KCNMA1: variants seen among roughly 807,000 people sequenced by gnomAD.
KCNMA1 encodes the protein potassium calcium-activated channel subfamily M alpha 1.
In KCNMA1, 29 loss-of-function variants were observed where a neutral mutation model predicts 140.0. The observed-to-expected ratio is 0.21, with a 90% CI of 0.15 to 0.28. The LOEUF (loss-of-function observed/expected upper bound fraction) is 0.28. KCNMA1 is among the 10% of genes least tolerant of loss of function. The probability of loss-of-function intolerance (pLI) is 1.00; values close to 1 mark genes in which losing one functional copy is unlikely to be tolerated. For missense variants in KCNMA1, 880 were observed against 1,602.2 expected, an observed-to-expected ratio of 0.55 and a Z score of 7.70; for synonymous variants, 612 against 611.9, an observed-to-expected ratio of 1.00 and a Z score of 0.00.
At chr10:77,202,701 TAGAAG>T (rs1235813946) in intron 3 of KCNMA1, among the ~76,000 whole-genome samples, 1 of 152,148 alleles carries the variant, frequency 6.6e-6, no homozygotes. Flanking sequence ...CTTTGCAAGT[TAGAAG>T]AGATGTTTTG....
chr10:77,424,339 A>C (rs1239465181), intron 1 of KCNMA1, among the ~76,000 whole-genome samples: 1 of 152,190 alleles, frequency 6.6e-6, no homozygotes, highest in Non-Finnish European at 1.5e-5. Context: ...CCATCCTTAC[A>C]ACTATTTATA....
intron 5 of KCNMA1, among the ~76,000 whole-genome samples, chr10:77,146,701 C>CAAAAAAAAAAAAAAAAAAA (rs5786266): frequency 4.7e-5 from 3 of 64,182 alleles, no homozygotes; most frequent in African/African-American, 1.3e-4. Context: ...GACTTCATCT[C>CAAAAAAAAAAAAAAAAAAA]AAAAAAAAAA....
At chr10:77,170,369 G>T (rs1018816639) in intron 5 of KCNMA1, among the ~76,000 whole-genome samples, 9 of 152,282 alleles carry the variant, frequency 5.9e-5, no homozygotes, top group South Asian at 4.1e-4. Flanking sequence ...TTGGAGAGAG[G>T]CTGGACCCTA....
At chr10:77,573,281 T>C (rs955480591) in intron 1 of KCNMA1, among the ~76,000 whole-genome samples, 3 of 152,056 alleles carry the variant, frequency 2.0e-5, no homozygotes, top group African/African-American at 4.8e-5. Context: ...CCAGTGGGCC[T>C]CCCCGGGAGC....
intron 14 of KCNMA1, among the ~76,000 whole-genome samples, chr10:77,060,780 T>C (rs527315034): frequency 5.3e-4 from 80 of 152,272 alleles, no homozygotes; most frequent in African/African-American, 1.9e-3. Flanking sequence ...TATTGTCTTT[T>C]TAGAGGAGGT....
chr10:77,129,654 T>C (rs191952420), intron 5 of KCNMA1, among the ~76,000 whole-genome samples: 2 of 152,272 alleles, frequency 1.3e-5, no homozygotes, highest in Non-Finnish European at 2.9e-5. Context: ...GCTGATTTTT[T>C]AGTTCAGTGT....
intron 26 of KCNMA1, among the ~76,000 whole-genome samples, chr10:76,890,082 G>A (rs1423879192): frequency 6.6e-6 from 1 of 152,210 alleles, no homozygotes; most frequent in Non-Finnish European, 1.5e-5. Context: ...TAAGGACCCT[G>A]TGAAAAGCAC....
intron 11 of KCNMA1, 72 bp from the exon 12 acceptor site, chr10:77,084,791 G>A: frequency 9.7e-7 from 1 of 1,031,070 alleles, no homozygotes; most frequent in Non-Finnish European, 1.5e-6. Flanking sequence ...GTCTCTCTCT[G>A]TTGACAGCTT....
At chr10:76,951,963 T>TGG in intron 21 of KCNMA1, 1 of 1,362,418 alleles carries the variant, frequency 7.3e-7, no homozygotes, top group Non-Finnish European at 1.0e-6. Flanking sequence ...GAATGGTGTG[T>TGG]GGCACATAGT....
At chr10:77,388,154 C>T (rs2095684562) in intron 2 of KCNMA1, among the ~76,000 whole-genome samples, 1 of 152,202 alleles carries the variant, frequency 6.6e-6, no homozygotes, top group Non-Finnish European at 1.5e-5. Flanking sequence ...TTAACTAAGT[C>T]CTACCTTGGT....
intron 1 of KCNMA1, among the ~76,000 whole-genome samples, chr10:77,405,443 G>C (rs923237598): frequency 2.0e-5 from 3 of 152,312 alleles, no homozygotes; most frequent in Admixed American, 2.0e-4. Flanking sequence ...AGGGCTATGA[G>C]TATCAGCCCC....
chr10:77,601,753 A>G (rs1357856174), intron 1 of KCNMA1, among the ~76,000 whole-genome samples: 2 of 152,142 alleles, frequency 1.3e-5, no homozygotes, highest in Non-Finnish European at 2.9e-5. Flanking sequence ...TTTATTTGTC[A>G]GTGACTCAAC....
At chr10:77,073,671 A>C (rs1396505748) in intron 13 of KCNMA1, among the ~76,000 whole-genome samples, 1 of 152,182 alleles carries the variant, frequency 6.6e-6, no homozygotes, top group African/African-American at 2.4e-5. Context: ...AGTGACTCCC[A>C]GGCATCAGGA....
At chr10:77,604,953 T>C (rs1306694511) in intron 1 of KCNMA1, among the ~76,000 whole-genome samples, 2 of 150,592 alleles carry the variant, frequency 1.3e-5, no homozygotes, top group African/African-American at 4.9e-5. Flanking sequence ...ATAAAGACTC[T>C]GGAACATTTC....
chr10:77,039,474 G>C (rs1304182807), intron 15 of KCNMA1, 54 bp downstream of exon 15: 1 of 1,032,022 alleles, frequency 9.7e-7, no homozygotes, highest in Non-Finnish European at 1.5e-6. Flanking sequence ...TCCTTGCAAG[G>C]GGCACATTCA....
intron 3 of KCNMA1, among the ~76,000 whole-genome samples, chr10:77,246,214 A>C (rs1392628492): frequency 6.6e-6 from 1 of 152,250 alleles, no homozygotes; most frequent in Admixed American, 6.5e-5. Context: ...CTTTAGAATG[A>C]GCCATGCTGG....
chr10:77,133,037 T>A (rs2153992176), intron 5 of KCNMA1, among the ~76,000 whole-genome samples: 1 of 152,034 alleles, frequency 6.6e-6, no homozygotes, highest in Non-Finnish European at 1.5e-5. Context: ...GTGCAGAAAT[T>A]CTTGTCTTGA....
intron 2 of KCNMA1, among the ~76,000 whole-genome samples, chr10:77,256,790 G>A (rs1256645712): frequency 6.6e-6 from 1 of 151,948 alleles, no homozygotes; most frequent in Non-Finnish European, 1.5e-5. Flanking sequence ...TGATCCCAAA[G>A]GCATAGGACT....
In KCNMA1 at chr10:77,489,837, G is replaced by GTCTGGGC. The variant is rs1258753186; in HGVS notation, c.379-85815_379-85814insGCCCAGA. Reference sequence around the variant, plus strand: ...GGTGAGATGACAGTATCAAGGTTCTGTCTGGCCTCTGGCCTCTGGTCAATT... The same window carrying GTCTGGGC: ...GGTGAGATGACAGTATCAAGGTTCTGTCTGGGCTCTGGCCTCTGGCCTCTGGTCAATT... On this transcript the variant is annotated intron_variant, in intron 1 of 27. Coordinates refer to ENST00000286628, the MANE Select transcript of KCNMA1 (RefSeq NM_001161352.2). Among the ~76,000 whole-genome samples the GTCTGGGC allele has an allele frequency of 3.3e-4, 50 of 152,324 alleles. 1 individual carries two copies. The highest frequency in any genetic ancestry group is 1.2e-3 in the African/African-American group (50 of 41,576).
Sources: gnomAD v4.1 joint callset for allele counts (sites outside exome capture counted in the v4.1 genomes callset) on GRCh38, gnomAD v4.1.1 for gene constraint, MANE v1.5 for transcripts, NCBI Gene and HGNC (gene_info 2026-07-23, HGNC 2026-07-21) for gene names.